NAALADL2: variants seen among roughly 807,000 people sequenced by gnomAD.
The protein encoded by NAALADL2 is inactive N-acetylated-alpha-linked acidic dipeptidase-like protein 2.
NAALADL2 carries 76 observed loss-of-function variants against 87.2 expected under a neutral mutation model. That is an observed-to-expected ratio of 0.87 (90% CI 0.72 to 1.05). The LOEUF (loss-of-function observed/expected upper bound fraction) is 1.05, where lower values mean the gene tolerates loss of function less well. NAALADL2 is among the 50% of genes least tolerant of loss of function. The pLI is 0.00. For missense variants in NAALADL2, 1,089 were observed against 945.8 expected, an observed-to-expected ratio of 1.15 and a Z score of -1.99; for synonymous variants, 354 against 331.0, an observed-to-expected ratio of 1.07 and a Z score of -0.75.
intron 1 of NAALADL2, among the ~76,000 whole-genome samples, chr3:175,091,540 A>G (rs1426485763): frequency 6.6e-6 from 1 of 152,032 alleles, no homozygotes; most frequent in Non-Finnish European, 1.5e-5. Flanking sequence ...TGTGTTCTTA[A>G]TTCTAATAAG....
At chr3:174,888,250 T>A (rs986491696) in intron 1 of NAALADL2, among the ~76,000 whole-genome samples, 3 of 152,228 alleles carry the variant, frequency 2.0e-5, no homozygotes, top group Non-Finnish European at 2.9e-5. Context: ...GAATAGGCAG[T>A]GGCCATACAA....
At chr3:174,678,481 G>C (rs760171180) in intron 2 of NAALADL2, among the ~76,000 whole-genome samples, 3 of 152,118 alleles carry the variant, frequency 2.0e-5, no homozygotes, top group Non-Finnish European at 4.4e-5. Context: ...GTACAAATTT[G>C]CATTCCACAT....
intron 1 of NAALADL2, among the ~76,000 whole-genome samples, chr3:175,040,425 A>G (rs1753928352): frequency 6.6e-6 from 1 of 152,162 alleles, no homozygotes. Flanking sequence ...CCTGCAATTT[A>G]ATGTATTCTG....
At chr3:174,510,613 G>A (rs868120669) in intron 1 of NAALADL2, among the ~76,000 whole-genome samples, 2 of 151,754 alleles carry the variant, frequency 1.3e-5, no homozygotes, top group Admixed American at 6.6e-5. Flanking sequence ...TGGTTAGAGG[G>A]TTACCAATTG....
At chr3:175,512,564 G>T (rs1731307798) in intron 9 of NAALADL2, among the ~76,000 whole-genome samples, 1 of 152,092 alleles carries the variant, frequency 6.6e-6, no homozygotes, top group South Asian at 2.1e-4. Flanking sequence ...GAAAACTTCA[G>T]GTGATAACAG....
At chr3:175,203,787 A>G (rs766428811) in intron 2 of NAALADL2, among the ~76,000 whole-genome samples, 1 of 152,246 alleles carries the variant, frequency 6.6e-6, no homozygotes, top group African/African-American at 2.4e-5. Flanking sequence ...ACTGAAATAC[A>G]AAAGATCATT....
chr3:174,668,425 CT>C (rs905262378), intron 2 of NAALADL2, among the ~76,000 whole-genome samples: 1 of 87,512 alleles, frequency 1.1e-5, no homozygotes, highest in African/African-American at 3.3e-5. Context: ...AATTTGAGGT[CT>C]TTTTTTTATT....
At chr3:174,528,108 A>G (rs1310707598) in intron 1 of NAALADL2, among the ~76,000 whole-genome samples, 1 of 152,162 alleles carries the variant, frequency 6.6e-6, no homozygotes, top group Non-Finnish European at 1.5e-5. Flanking sequence ...TTATTATAAA[A>G]AGCTTGTGAA....
chr3:175,004,757 G>C (rs996150649), intron 1 of NAALADL2, among the ~76,000 whole-genome samples: 28 of 151,654 alleles, frequency 1.8e-4, no homozygotes, highest in African/African-American at 6.8e-4. Flanking sequence ...TTAAAATATT[G>C]ATATCATTAT....
At chr3:174,649,234 A>G (rs1724114767) in intron 2 of NAALADL2, among the ~76,000 whole-genome samples, 1 of 152,096 alleles carries the variant, frequency 6.6e-6, no homozygotes, top group East Asian at 1.9e-4. Flanking sequence ...AAGTGCTGGG[A>G]TTACAGGCAT....
At chr3:174,688,521 C>G (rs1208492852) in intron 2 of NAALADL2, among the ~76,000 whole-genome samples, 3 of 151,874 alleles carry the variant, frequency 2.0e-5, no homozygotes, top group African/African-American at 7.3e-5. Flanking sequence ...ACACTAAGTT[C>G]TTATAACAGT....
intron 11 of NAALADL2, among the ~76,000 whole-genome samples, chr3:175,697,804 T>C (rs1263112187): frequency 1.3e-4 from 18 of 143,426 alleles, no homozygotes; most frequent in African/African-American, 4.3e-4. Context: ...TATATGTATA[T>C]ATATTTATGT....
intron 1 of NAALADL2, among the ~76,000 whole-genome samples, chr3:174,903,961 ATCTATATCTATATCTATATCTATT>A (rs892431243): frequency 2.4e-4 from 35 of 147,686 alleles, no homozygotes; most frequent in African/African-American, 9.0e-4. Context: ...GAATATCTAT[ATCTATATCTATATCTATATCTATT>A]TCTATATCTA....
chr3:175,417,114 A>G (rs1331630216), intron 5 of NAALADL2, among the ~76,000 whole-genome samples: 1 of 111,146 alleles, frequency 9.0e-6, no homozygotes, highest in African/African-American at 3.0e-5. Flanking sequence ...GAGGAAGAGA[A>G]AAGAAAAAAA....
At chr3:175,667,632 A>G (rs1733376195) in intron 11 of NAALADL2, among the ~76,000 whole-genome samples, 1 of 152,134 alleles carries the variant, frequency 6.6e-6, no homozygotes, top group Non-Finnish European at 1.5e-5. Flanking sequence ...TAACAACCAG[A>G]AGAACAATAA....
chr3:174,595,746 C>T (rs1028110142), intron 2 of NAALADL2, among the ~76,000 whole-genome samples: 1 of 152,182 alleles, frequency 6.6e-6, no homozygotes, highest in South Asian at 2.1e-4. Flanking sequence ...TGCGGTGGCT[C>T]ATGCCTGTAA....
chr3:175,560,139 A>G (rs532149153), intron 9 of NAALADL2, among the ~76,000 whole-genome samples: 1 of 152,068 alleles, frequency 6.6e-6, no homozygotes, highest in East Asian at 1.9e-4. Context: ...CTGTTTTTGA[A>G]TTTCTTCATG....
At chr3:175,233,520 C>A (rs1260639556) in intron 2 of NAALADL2, among the ~76,000 whole-genome samples, 1 of 152,166 alleles carries the variant, frequency 6.6e-6, no homozygotes, top group Admixed American at 6.5e-5. Flanking sequence ...TAGCTCACTG[C>A]AGCCTCCGAC....
At chr3:175,649,867 C>G (rs1448750177) in intron 11 of NAALADL2, among the ~76,000 whole-genome samples, 3 of 151,990 alleles carry the variant, frequency 2.0e-5, no homozygotes, top group Non-Finnish European at 4.4e-5. Context: ...TTCATATTTA[C>G]TATTCATATC....
Sources: allele counts gnomAD v4.1 joint callset (sites outside exome capture counted in the v4.1 genomes callset), GRCh38; gene constraint gnomAD v4.1.1; transcripts MANE v1.5; gene names NCBI Gene and HGNC (gene_info 2026-07-23, HGNC 2026-07-21).